ADAM22: variants seen among roughly 807,000 people sequenced by gnomAD.
ADAM22 encodes disintegrin and metalloproteinase domain-containing protein 22.
A neutral mutation model predicts 144.6 loss-of-function variants in ADAM22; 65 were observed. The ratio of observed to expected loss-of-function variants is 0.45; its 90% CI spans 0.37 to 0.55. The LOEUF is 0.55. ADAM22 is among the 20% of genes least tolerant of loss of function. ADAM22 has a pLI of 0.00. For synonymous variants in ADAM22, 391 were observed against 412.6 expected (o/e 0.95, Z 0.63); for missense variants, 974 against 1,184.9 (o/e 0.82, Z 2.61).
intron 4 of ADAM22, among the ~76,000 whole-genome samples, chr7:88,104,443 T>C (rs1396089643): frequency 6.6e-6 from 1 of 152,064 alleles, no homozygotes; most frequent in African/African-American, 2.4e-5. Flanking sequence ...GTATTTTTAT[T>C]CTTCACTATG....
chr7:88,160,437 T>G (rs185681792), intron 22 of ADAM22, among the ~76,000 whole-genome samples: 32 of 152,166 alleles, frequency 2.1e-4, no homozygotes, highest in African/African-American at 7.7e-4. Context: ...GCTGGAGGTA[T>G]CACGTTGCTC....
intron 3 of ADAM22, among the ~76,000 whole-genome samples, chr7:88,016,616 G>A (rs543725618): frequency 5.3e-5 from 8 of 152,216 alleles, no homozygotes; most frequent in African/African-American, 1.9e-4. Context: ...ACCACTGTAT[G>A]ATGTTTAAGA....
chr7:88,041,311 G>A (rs1460048955), intron 3 of ADAM22, among the ~76,000 whole-genome samples: 1 of 151,938 alleles, frequency 6.6e-6, no homozygotes, highest in Non-Finnish European at 1.5e-5. Context: ...ATCAAGAATG[G>A]TAGTGAGTGC....
At chr7:87,963,520 T>C (rs1002460659) in intron 2 of ADAM22, among the ~76,000 whole-genome samples, 2 of 152,172 alleles carry the variant, frequency 1.3e-5, no homozygotes, top group Non-Finnish European at 2.9e-5. Context: ...CAAGATATCT[T>C]GTAGGAAACC....
At chr7:88,116,640 GCA>G (rs1827831990) in intron 6 of ADAM22, 103 bp from the exon 7 acceptor site, 12 of 853,996 alleles carry the variant, frequency 1.4e-5, no homozygotes, top group South Asian at 9.5e-5. Context: ...CCAGGAGAAT[GCA>G]TAGGCAAGCT....
chr7:88,051,813 T>C (rs1205609101), intron 3 of ADAM22, among the ~76,000 whole-genome samples: 2 of 152,116 alleles, frequency 1.3e-5, no homozygotes, highest in Non-Finnish European at 2.9e-5. Flanking sequence ...TATCATTTCA[T>C]ATTGACTATT....
chr7:87,944,263 TG>T (rs1177001394), intron 2 of ADAM22, among the ~76,000 whole-genome samples: 1 of 151,828 alleles, frequency 6.6e-6, no homozygotes, highest in African/African-American at 2.4e-5. Flanking sequence ...GTTAGGATGT[TG>T]GGGGTCAGGC....
chr7:88,020,997 G>A (rs1290222631), intron 3 of ADAM22, among the ~76,000 whole-genome samples: 5 of 152,106 alleles, frequency 3.3e-5, no homozygotes, highest in African/African-American at 1.2e-4. Context: ...AATCTTCTTT[G>A]GAGAGACAGC....
At chr7:88,167,939 A>G (rs1205542180) in intron 24 of ADAM22, among the ~76,000 whole-genome samples, 198 bp from the exon 25 acceptor site, 1 of 152,212 alleles carries the variant, frequency 6.6e-6, no homozygotes, top group African/African-American at 2.4e-5. Context: ...AAGAATTAAA[A>G]AGGACATTTG....
At chr7:88,062,027 G>C (rs1010569299) in intron 3 of ADAM22, among the ~76,000 whole-genome samples, 3 of 151,776 alleles carry the variant, frequency 2.0e-5, no homozygotes, top group African/African-American at 4.8e-5. Flanking sequence ...ATTTTTTGTA[G>C]AGACAGGGTC....
chr7:88,044,296 T>C (rs778736318), intron 3 of ADAM22, among the ~76,000 whole-genome samples: 18 of 152,200 alleles, frequency 1.2e-4, no homozygotes, highest in Non-Finnish European at 1.9e-4. Flanking sequence ...TCTATGATTA[T>C]GATGATGATG....
intron 4 of ADAM22, among the ~76,000 whole-genome samples, chr7:88,080,010 A>G (rs1260707979): frequency 6.6e-6 from 1 of 152,248 alleles, no homozygotes; most frequent in African/African-American, 2.4e-5. Flanking sequence ...ATAGACATCT[A>G]CAGAACTCTC....
chr7:88,192,996 CT>C, intron 30 of ADAM22, 119 bp from the exon 31 acceptor site: 1 of 1,181,124 alleles, frequency 8.5e-7, no homozygotes, highest in East Asian at 2.4e-5. Context: ...GTAGTTAAAT[CT>C]TTGCAGTAGT....
intron 9 of ADAM22, 151 bp downstream of exon 9, chr7:88,128,827 T>A: frequency 1.8e-6 from 1 of 560,012 alleles, no homozygotes; most frequent in Non-Finnish European, 3.1e-6. Context: ...AGCAACAACC[T>A]GCAATTAGGA....
chr7:88,136,740 G>A (rs561243106), intron 14 of ADAM22, among the ~76,000 whole-genome samples: 18 of 151,502 alleles, frequency 1.2e-4, no homozygotes, highest in African/African-American at 2.7e-4. Context: ...GGTGATGGGC[G>A]CACCAAAATC....
intron 2 of ADAM22, among the ~76,000 whole-genome samples, chr7:87,936,041 C>T (rs1562790738): frequency 6.6e-6 from 1 of 152,162 alleles, no homozygotes; most frequent in Non-Finnish European, 1.5e-5. Flanking sequence ...TTTTTGTAAA[C>T]TTTACTGAAG....
intron 3 of ADAM22, among the ~76,000 whole-genome samples, chr7:87,994,171 T>C (rs1487736896): frequency 6.6e-6 from 1 of 151,900 alleles, no homozygotes; most frequent in African/African-American, 2.4e-5. Flanking sequence ...ATTCCTTTTT[T>C]TTTTTTTTGA....
At chr7:87,938,707 C>T (rs970542499) in intron 2 of ADAM22, among the ~76,000 whole-genome samples, 7 of 151,946 alleles carry the variant, frequency 4.6e-5, no homozygotes, top group African/African-American at 1.7e-4. Context: ...TGGAGTGCAG[C>T]GGCACAATCT....
intron 2 of ADAM22, among the ~76,000 whole-genome samples, chr7:87,971,768 G>A (rs1323993166): frequency 6.6e-6 from 1 of 152,290 alleles, no homozygotes; most frequent in Non-Finnish European, 1.5e-5. Context: ...AAACTAAAAA[G>A]GCAGGGTCTA....
Sources: allele counts gnomAD v4.1 joint callset (sites outside exome capture counted in the v4.1 genomes callset), GRCh38; gene constraint gnomAD v4.1.1; transcripts MANE v1.5; gene names NCBI Gene and HGNC (gene_info 2026-07-23, HGNC 2026-07-21).